Variants in NTRK1 observed in about 807,000 individuals in gnomAD.
The protein encoded by NTRK1 is high affinity nerve growth factor receptor.
In NTRK1, 62 loss-of-function variants were observed where a neutral mutation model predicts 86.8. That is an observed-to-expected ratio of 0.71 (90% CI 0.58 to 0.88). The LOEUF (loss-of-function observed/expected upper bound fraction) is 0.88. Among genes scored for constraint, NTRK1 ranks in the 40% least tolerant of loss-of-function variants. The pLI is 0.00. For synonymous variants in NTRK1, 469 were observed against 456.6 expected (o/e 1.03, Z -0.35); for missense variants, 967 against 1,078.4 (o/e 0.90, Z 1.45).
chr1:156,835,752 T>C (rs565167863), intron 1 of NTRK1, among the ~76,000 whole-genome samples: 3 of 152,368 alleles, frequency 2.0e-5, no homozygotes, highest in South Asian at 2.1e-4. Context: ...ATAATTTGTA[T>C]AGTGCTTTAT....
intron 10 of NTRK1, 140 bp downstream of exon 10, chr1:156,874,766 C>A (rs1647791670): frequency 2.6e-6 from 3 of 1,154,814 alleles, no homozygotes; most frequent in Non-Finnish European, 3.9e-6. Context: ...ACAGCCACTG[C>A]AGGGGTCCCC....
intron 12 of NTRK1, 182 bp from the exon 13 acceptor site, chr1:156,875,898 G>A: frequency 8.9e-7 from 1 of 1,117,624 alleles, no homozygotes; most frequent in Non-Finnish European, 1.3e-6. Flanking sequence ...TCCTCTCGGG[G>A]CAGGTGCAGC....
intron 2 of NTRK1, chr1:156,846,250 T>C: frequency 2.0e-6 from 2 of 984,232 alleles, no homozygotes; most frequent in Admixed American, 2.9e-5. Context: ...ACCCCTGGCT[T>C]CCTAGAACTC....
chr1:156,872,130 C>A lies in NTRK1; in HGVS notation c.850+375C>A, dbSNP rs1412480676. 1.3e-5 allele frequency among the ~76,000 whole-genome samples: 2 copies of A among 152,168 alleles called. 1 individual carries two copies. Among genetic ancestry groups the A allele is most frequent in the Admixed American group, 1.3e-4 (2 of 15,272 alleles). ...CTCCTCCTGAGTTCCTCTTTACGCT[C>A]GCTGCCTAATTTCTCTAGATCAGCC... On this transcript the variant is annotated intron_variant, in intron 7 of 16. Transcript: ENST00000524377.
intron 13 of NTRK1, 79 bp from the exon 14 acceptor site, chr1:156,876,321 G>C (rs1445983266): frequency 6.2e-7 from 1 of 1,609,672 alleles, no homozygotes; most frequent in Non-Finnish European, 8.5e-7. Context: ...CTGGATACCG[G>C]GGTGGGCGGG....
chr1:156,853,868 T>C, intron 2 of NTRK1: 1 of 1,614,112 alleles, frequency 6.2e-7, no homozygotes, highest in Non-Finnish European at 8.5e-7. Flanking sequence ...AGCACACTCC[T>C]CGCCCAGCTT....
In NTRK1 at chr1:156,866,905, C is replaced by T. The variant is rs377069358; in HGVS notation, c.360-5C>T. On this transcript the variant is annotated splice_polypyrimidine_tract_variant and splice_region_variant and intron_variant, in intron 3 of 16. Transcript: ENST00000524377. ...GTCTGTCTTGCTGTGTCTCCACGCC[C>T]GCAGGAATCTCTCCTTCAACGCTCT... is the stretch of plus-strand genomic sequence containing the variant. 49 of 1,614,120 alleles carry T rather than the reference C, an allele frequency of 3.0e-5. No individual in the cohort carries two copies. The Middle Eastern group carries it at 6.6e-4, about 22-fold the overall frequency.
intron 1 of NTRK1, among the ~76,000 whole-genome samples, chr1:156,819,072 G>A (rs1654112133): frequency 6.6e-6 from 1 of 151,930 alleles, no homozygotes; most frequent in Non-Finnish European, 1.5e-5. Flanking sequence ...GCGCTATCTC[G>A]GCTCACTGCA....
At chr1:156,857,163 ATG>A (rs57324546), upstream of NTRK1, among the ~76,000 whole-genome samples, 29,867 of 129,854 alleles carry the variant, frequency 0.23, 2,923 homozygotes, top group East Asian at 0.38. Context: ...GCAGCTGTGT[ATG>A]TGTGTGTGTG....
At position 156,873,704 on chromosome 1, in the gene NTRK1, C is replaced by G. The variant is rs993479544; in HGVS notation, c.922C>G (p.Gln308Glu). The change falls in exon 8 of 17, where the codon CAG becomes GAG. Residue 308 changes from glutamine to glutamate, a missense_variant. By Grantham distance (29) the Gln-to-Glu change is conservative (BLOSUM62 2). Around this residue, in one of 2 missense-constraint regions of NTRK1, gnomAD observed 637 missense variants for 776.5 expected, o/e 0.82. Coordinates refer to ENST00000524377, the MANE Select transcript of NTRK1 (RefSeq NM_002529.4). ...GTGCATCCCCTTCTCTGTGGATGGG[C>G]AGCCGGCACCGTCTCTGCGCTGGCT... is the stretch of plus-strand genomic sequence containing the variant. ...HWCIPFSVDG[Q>E]PAPSLRWLFN... 6.2e-7 allele frequency: 1 copy of G among 1,611,356 alleles called. No individual in the cohort carries two copies. The highest frequency in any genetic ancestry group is 8.5e-7 in the Non-Finnish European group (1 of 1,179,324).
intron 6 of NTRK1, among the ~76,000 whole-genome samples, chr1:156,869,167 G>T (rs1247096631): frequency 2.0e-5 from 3 of 151,862 alleles, no homozygotes; most frequent in Non-Finnish European, 4.4e-5. Flanking sequence ...CGCCTCTCGG[G>T]TTCAAGCGAT....
At chr1:156,849,958 A>G (rs59697739) in intron 2 of NTRK1, among the ~76,000 whole-genome samples, 1,618 of 151,678 alleles carry the variant, frequency 0.011, 34 homozygotes, top group African/African-American at 0.037. Context: ...GCCAGAGTGC[A>G]GTGGCACAAT....
In NTRK1 at chr1:156,873,966, G is replaced by A. The variant is rs978577852; in HGVS notation, c.1177+7G>A. On this transcript the variant is annotated splice_region_variant and intron_variant, in intron 8 of 16. Transcript: ENST00000524377. Reference sequence around the variant, plus strand: ...CCCGAGGACCCCATCCCTGGTGCGAGGGCCATCCTGAACCCTGCCCCCACT... The same window carrying A: ...CCCGAGGACCCCATCCCTGGTGCGAAGGCCATCCTGAACCCTGCCCCCACT... The A allele has an allele frequency of 5.8e-6, 9 of 1,551,770 alleles. No individual in the cohort carries two copies. Among genetic ancestry groups the A allele is most frequent in the South Asian group, 2.4e-5 (2 of 84,070 alleles).
intron 15 of NTRK1, among the ~76,000 whole-genome samples, chr1:156,879,672 C>T (rs1469733817): frequency 1.3e-5 from 2 of 152,148 alleles, no homozygotes; most frequent in African/African-American, 4.8e-5. Flanking sequence ...TGCAGTGGCA[C>T]GATCTCGGCT....
chr1:156,851,924 G>T lies in NTRK1; in HGVS notation c.50+9731G>T, dbSNP rs762366667. The T allele has an allele frequency of 5.6e-6, 9 of 1,597,420 alleles. No homozygotes were observed. Among genetic ancestry groups the T allele is most frequent in the Non-Finnish European group, 7.7e-6 (9 of 1,167,984 alleles). Reference sequence around the variant, plus strand: ...ACGGGTGAAGCCAGAAGGGCACTGGGCCAGGCAACTGCCCTGGTGTATGCC... The same window carrying T: ...ACGGGTGAAGCCAGAAGGGCACTGGTCCAGGCAACTGCCCTGGTGTATGCC... On this transcript the variant is annotated intron_variant, in intron 2 of 16. Coordinates refer to the NTRK1 transcript ENST00000392302.
At chr1:156,841,802 G>A in intron 1 of NTRK1, 1 of 1,614,150 alleles carries the variant, frequency 6.2e-7, no homozygotes, top group Non-Finnish European at 8.5e-7. Context: ...AGTCTGGAAA[G>A]TGAGGGTGAG....
At chr1:156,828,557 G>A (rs1468608557) in intron 1 of NTRK1, among the ~76,000 whole-genome samples, 1 of 152,234 alleles carries the variant, frequency 6.6e-6, no homozygotes, top group Non-Finnish European at 1.5e-5. Context: ...CGCAGTCGCG[G>A]GTCGGCCTCT....
chr1:156,828,436 A>T (rs1654380287), intron 1 of NTRK1, among the ~76,000 whole-genome samples: 1 of 152,204 alleles, frequency 6.6e-6, no homozygotes, highest in Non-Finnish European at 1.5e-5. Flanking sequence ...AAGGAAGAAA[A>T]GGAAGGTTTA....
intron 2 of NTRK1, chr1:156,849,025 G>GAAA (rs769366556): frequency 5.0e-6 from 8 of 1,613,346 alleles, no homozygotes; most frequent in Non-Finnish European, 6.8e-6. Context: ...CGTTGGACAC[G>GAAA]AAGCGCAGGG....
Sources: gnomAD v4.1 joint callset for allele counts (sites outside exome capture counted in the v4.1 genomes callset) on GRCh38, gnomAD v4.1.1 for gene constraint, gnomAD v4.1.1 regional missense constraint, MANE v1.5 for transcripts, NCBI Gene and HGNC (gene_info 2026-07-23, HGNC 2026-07-21) for gene names.